RBM44: variants seen among roughly 807,000 people sequenced by gnomAD.
RBM44 encodes RNA-binding protein 44.
A neutral mutation model predicts 105.1 loss-of-function variants in RBM44; 66 were observed. That is an observed-to-expected ratio of 0.63 (90% CI 0.52 to 0.77). The LOEUF is 0.77. Among genes scored for constraint, RBM44 ranks in the 30% least tolerant of loss-of-function variants. The pLI, the probability that RBM44 is intolerant of heterozygous loss-of-function variation, is 0.00. For synonymous variants in RBM44, 365 were observed against 417.6 expected (o/e 0.87, Z 1.54); for missense variants, 1,122 against 1,207.8 (o/e 0.93, Z 1.05).
intron 15 of RBM44, among the ~76,000 whole-genome samples, chr2:237,839,200 G>A (rs1453362872): frequency 1.3e-5 from 2 of 152,126 alleles, no homozygotes; most frequent in African/African-American, 2.4e-5. Flanking sequence ...TCAGAACAAC[G>A]AATCCATGTT....
intron 15 of RBM44, among the ~76,000 whole-genome samples, chr2:237,836,554 G>C (rs968839975): frequency 6.6e-6 from 1 of 152,064 alleles, no homozygotes; most frequent in Non-Finnish European, 1.5e-5. Flanking sequence ...GGCCGAGGCG[G>C]GTGGATCACA....
chr2:237,818,338 T>C lies in RBM44; in HGVS notation c.1419T>C (p.Asp473=). The C allele has an allele frequency of 1.9e-6, 3 of 1,613,302 alleles. No individual in the cohort carries two copies. The highest frequency in any genetic ancestry group is 1.1e-5 in the South Asian group (1 of 91,050). ...TINQTVDVST[D]FRACFTTSRA... The stretch of plus-strand genomic sequence containing the variant: ...ATCAGACAGTGGACGTTAGCACTGA[T>C]TTTAGGGCTTGTTTCACAACCAGCA... The change falls in exon 3 of 16, where the codon GAT becomes GAC. Residue 473 remains aspartate, a synonymous_variant. Transcript: ENST00000316997. The surrounding 1 kb of genome is among the most constrained non-coding windows in gnomAD (Gnocchi z 4.6).
chr2:237,810,393 A>G (rs2061646997), intron 1 of RBM44, among the ~76,000 whole-genome samples: 1 of 152,246 alleles, frequency 6.6e-6, no homozygotes, highest in South Asian at 2.1e-4. Flanking sequence ...CCAGTATCTA[A>G]TCACTTTTTA....
rs780675227 is a variant in RBM44 at position 237,834,325 on chromosome 2, G to A, written c.3080G>A (p.Gly1027Asp). 1.3e-6 allele frequency: 2 copies of A among 1,575,160 alleles called. No individual in the cohort carries two copies. Among genetic ancestry groups the A allele is most frequent in the Non-Finnish European group, 1.7e-6 (2 of 1,158,988 alleles). Residue 1027 changes from glycine (G) to aspartate (D), a missense_variant, in exon 15 of 16, where the codon GGT becomes GAT. Gly to Asp is a moderately conservative substitution (Grantham distance 94). Around this residue, in one of 3 missense-constraint regions of RBM44, gnomAD observed 194 missense variants for 225.5 expected, o/e 0.86. Transcript: ENST00000316997. ...CAGGAAGTGAGAATAAGACATAAAG[G>A]TTTTCTGAATGGCTTATCTATTACT... is the stretch of plus-strand genomic sequence containing the variant. ...ALQEVRIRHKGFLNGLSITTI... is the reference protein window; with the variant it reads ...ALQEVRIRHKDFLNGLSITTI...
intron 2 of RBM44, among the ~76,000 whole-genome samples, chr2:237,816,647 G>A (rs1576503692): frequency 6.6e-6 from 1 of 152,130 alleles, no homozygotes; most frequent in Admixed American, 6.6e-5. Flanking sequence ...GCTTGTAGAT[G>A]GCTGCCTTCT....
In RBM44 at chr2:237,817,776, C is replaced by T; in HGVS notation, c.857C>T (p.Thr286Ile). 1 of 1,611,312 alleles carries T rather than the reference C, an allele frequency of 6.2e-7. No individual in the cohort carries two copies. The highest frequency in any genetic ancestry group is 1.7e-5 in the Admixed American group (1 of 59,558). ...LKHEKYKEQE[T>I]NSMYHTVFDG... ...CATGAAAAGTATAAGGAACAAGAGA[C>T]TAATTCAATGTACCACACTGTATTT... The change falls in exon 3 of 16, where the codon ACT becomes ATT. Residue 286 changes from threonine to isoleucine, a missense_variant. Thr to Ile is a moderately conservative substitution (Grantham distance 89). Coordinates refer to ENST00000316997, the MANE Select transcript of RBM44 (RefSeq NM_001080504.3).
At chr2:237,833,429 A>G (rs921064642) in intron 13 of RBM44, among the ~76,000 whole-genome samples, 1 of 152,176 alleles carries the variant, frequency 6.6e-6, no homozygotes, top group South Asian at 2.1e-4. Flanking sequence ...TCTCTTCGCA[A>G]TAGAGGGTTC....
chr2:237,834,150 C>A lies in RBM44; in HGVS notation c.3032+8C>A. On this transcript the variant is annotated splice_region_variant and intron_variant, in intron 14 of 15. Transcript: ENST00000316997. ...GCATCCAGAAGTCAGCAGGTAATAA[C>A]CAAAATTATATTTTAACTGCTTTAA... 1.3e-6 allele frequency: 2 copies of A among 1,551,164 alleles called. No individual in the cohort carries two copies. The highest frequency in any genetic ancestry group is 2.4e-5 in the South Asian group (2 of 82,090).
chr2:237,824,157 T>C (rs1487097853), intron 9 of RBM44, 134 bp from the exon 10 acceptor site: 3 of 671,134 alleles, frequency 4.5e-6, no homozygotes, highest in Admixed American at 7.8e-5. Flanking sequence ...CTTATTTTGC[T>C]AATATTTCTC....
chr2:237,801,833 G>C (rs915238328), intron 1 of RBM44, among the ~76,000 whole-genome samples: 2 of 151,948 alleles, frequency 1.3e-5, no homozygotes, highest in African/African-American at 4.8e-5. Context: ...TAATGCAACT[G>C]TGCTATACAA....
In RBM44 at chr2:237,834,316, G is replaced by A; in HGVS notation, c.3071G>A (p.Arg1024Lys). The A allele has an allele frequency of 6.3e-7, 1 of 1,580,064 alleles. No individual in the cohort carries two copies. Among genetic ancestry groups the A allele is most frequent in the Non-Finnish European group, 8.6e-7 (1 of 1,161,998 alleles). ...AATGCACTTCAGGAAGTGAGAATAA[G>A]ACATAAAGGTTTTCTGAATGGCTTA... is the stretch of plus-strand genomic sequence containing the variant. ...IINALQEVRIRHKGFLNGLSI... is the reference protein window; with the variant it reads ...IINALQEVRIKHKGFLNGLSI... Residue 1024 changes from arginine (R) to lysine (K), a missense_variant, in exon 15 of 16, where the codon AGA becomes AAA. Physicochemically the swap from Arg to Lys is conservative, Grantham distance 26 (BLOSUM62 2). Coordinates refer to ENST00000316997, the MANE Select transcript of RBM44 (RefSeq NM_001080504.3).
At chr2:237,799,746 G>A (rs534061770) in intron 1 of RBM44, among the ~76,000 whole-genome samples, 10 of 152,332 alleles carry the variant, frequency 6.6e-5, no homozygotes, top group South Asian at 6.2e-4. Context: ...GTGACAGTCC[G>A]TTGCTGAGTT....
chr2:237,811,712 C>T (rs1255634835), intron 1 of RBM44, among the ~76,000 whole-genome samples: 1 of 150,944 alleles, frequency 6.6e-6, no homozygotes, highest in East Asian at 1.9e-4. Context: ...AGAAAATTGC[C>T]TATTTTTGTT....
Position 237,810,644 on chromosome 2 carries a change from G to A in RBM44, c.-18-2948G>A, listed in dbSNP as rs146056267. Among the ~76,000 whole-genome samples, 336 of 152,314 alleles carry A rather than the reference G, an allele frequency of 2.2e-3. 12 individuals carry two copies. Among genetic ancestry groups the A allele is most frequent in the Admixed American group, 0.021 (314 of 15,296 alleles). On this transcript the variant is annotated intron_variant, in intron 1 of 15. Coordinates refer to ENST00000316997, the MANE Select transcript of RBM44 (RefSeq NM_001080504.3). ...AGGGCATTGAGCAAGGAGGAGGGAG[G>A]GAGAAGAGCTCTCGAGTCTGCCTCC...
intron 5 of RBM44, chr2:237,820,755 G>C: frequency 3.8e-6 from 1 of 261,422 alleles, no homozygotes; most frequent in East Asian, 7.3e-5. Context: ...AGTAAAATTA[G>C]AACCAAGTGG....
intron 1 of RBM44, among the ~76,000 whole-genome samples, chr2:237,809,469 A>G (rs988442282): frequency 2.6e-5 from 4 of 151,906 alleles, no homozygotes; most frequent in African/African-American, 9.7e-5. Flanking sequence ...TTGTAAGTCT[A>G]CTCCAGACAG....
At chr2:237,807,164 T>A (rs935269690) in intron 1 of RBM44, among the ~76,000 whole-genome samples, 31 of 151,982 alleles carry the variant, frequency 2.0e-4, no homozygotes, top group Non-Finnish European at 3.5e-4. Context: ...AAAAAAAAAA[T>A]TTGAGATGGA....
chr2:237,818,046 A>G lies in RBM44; in HGVS notation c.1127A>G (p.Asp376Gly). 6.2e-7 allele frequency: 1 copy of G among 1,612,922 alleles called. No homozygotes were observed. Among genetic ancestry groups the G allele is most frequent in the Non-Finnish European group, 8.5e-7 (1 of 1,179,360 alleles). ...ALETLLQPCK[D>G]CQTSWTSVFD... Reference sequence around the variant, plus strand: ...GAGACATTACTCCAACCCTGTAAAGATTGTCAAACTTCCTGGACCTCTGTT... The same window carrying G: ...GAGACATTACTCCAACCCTGTAAAGGTTGTCAAACTTCCTGGACCTCTGTT... Residue 376 changes from aspartate to glycine, a missense_variant, in exon 3 of 16, where the codon GAT becomes GGT. Physicochemically the swap from Asp to Gly is moderately conservative, Grantham distance 94. Transcript: ENST00000316997. The surrounding 1 kb of genome is among the most constrained non-coding windows in gnomAD (Gnocchi z 4.6).
intron 8 of RBM44, among the ~76,000 whole-genome samples, chr2:237,822,440 A>T (rs765702216): frequency 1.3e-5 from 2 of 152,122 alleles, no homozygotes; most frequent in Non-Finnish European, 2.9e-5. Context: ...TTGAGCAAGG[A>T]GGCAATTGAA....
Sources: gnomAD v4.1 joint callset for allele counts (sites outside exome capture counted in the v4.1 genomes callset) on GRCh38, gnomAD v4.1.1 for gene constraint, gnomAD v4.1.1 regional missense constraint, Gnocchi (gnomAD v3.1) non-coding constraint, MANE v1.5 for transcripts, NCBI Gene and HGNC (gene_info 2026-07-23, HGNC 2026-07-21) for gene names.